The following SMOC1 variants were observed in gnomAD, a reference collection of about 807,000 sequenced individuals.
The protein encoded by SMOC1 is SPARC-related modular calcium-binding protein 1.
In SMOC1, 22 loss-of-function variants were observed where a neutral mutation model predicts 56.3. That is an observed-to-expected ratio of 0.39 (90% CI 0.28 to 0.56). The LOEUF is 0.56. SMOC1 is among the 20% of genes least tolerant of loss of function. The probability of loss-of-function intolerance (pLI) is 0.61; values close to 1 mark genes in which losing one functional copy is unlikely to be tolerated. For synonymous variants in SMOC1, 193 were observed against 215.0 expected (o/e 0.90, Z 0.89); for missense variants, 509 against 565.4 (o/e 0.90, Z 1.01).
intron 5 of SMOC1, among the ~76,000 whole-genome samples, chr14:69,987,854 C>A (rs962228096): frequency 6.6e-6 from 1 of 152,212 alleles, no homozygotes; most frequent in Non-Finnish European, 1.5e-5. Flanking sequence ...TGCTGTCACA[C>A]AAACCCACTG....
chr14:70,014,695 C>T (rs1885446843), intron 10 of SMOC1, among the ~76,000 whole-genome samples: 1 of 152,198 alleles, frequency 6.6e-6, no homozygotes, highest in Non-Finnish European at 1.5e-5. Context: ...AGTGTCTAGG[C>T]TCCTTACAGC....
At chr14:69,992,346 T>G in intron 5 of SMOC1, 71 bp from the exon 6 acceptor site, 15 of 1,471,606 alleles carry the variant, frequency 1.0e-5, no homozygotes, top group Non-Finnish European at 1.3e-5. Context: ...CATTCAACAG[T>G]GCTGGAGAGT....
chr14:69,928,386 G>A (rs1309128715), intron 1 of SMOC1, among the ~76,000 whole-genome samples: 3 of 152,232 alleles, frequency 2.0e-5, no homozygotes, highest in Non-Finnish European at 4.4e-5. Context: ...CAAAAATGCA[G>A]TCTCCTCGTA....
intron 7 of SMOC1, among the ~76,000 whole-genome samples, chr14:69,998,428 G>GT (rs36077349): frequency 0.29 from 42,733 of 146,336 alleles, 6,627 homozygotes; most frequent in East Asian, 0.46. Context: ...CTCTTGCTAA[G>GT]TTTTTTTTTT....
intron 1 of SMOC1, among the ~76,000 whole-genome samples, chr14:69,921,772 A>C (rs1884849685): frequency 1.3e-5 from 2 of 152,190 alleles, no homozygotes; most frequent in Non-Finnish European, 2.9e-5. Flanking sequence ...AATGCTTCTT[A>C]TGTGTTCCTT....
chr14:69,952,128 T>A lies in SMOC1; in HGVS notation c.100-10T>A. 6.2e-7 allele frequency: 1 copy of A among 1,614,120 alleles called. No homozygotes were observed. Among genetic ancestry groups the A allele is most frequent in the Non-Finnish European group, 8.5e-7 (1 of 1,179,994 alleles). ...TAACCTCTGTACCCTTTCACTTTTT[T>A]CCAACCTAGTTTCTAATAAGTGACC... On this transcript the variant is annotated splice_polypyrimidine_tract_variant and intron_variant, in intron 1 of 11. Transcript: ENST00000361956.
At chr14:69,981,572 T>A (rs908780296) in intron 5 of SMOC1, among the ~76,000 whole-genome samples, 1 of 152,136 alleles carries the variant, frequency 6.6e-6, no homozygotes, top group Admixed American at 6.5e-5. Flanking sequence ...CATTCACATG[T>A]GTTTTATGGA....
chr14:69,931,058 GA>G (rs1462240040), intron 1 of SMOC1, among the ~76,000 whole-genome samples: 1 of 152,162 alleles, frequency 6.6e-6, no homozygotes, highest in East Asian at 1.9e-4. Context: ...ACAAGCAGCT[GA>G]AAACATCAGT....
intron 1 of SMOC1, among the ~76,000 whole-genome samples, chr14:69,935,066 G>A (rs1885261721): frequency 6.6e-6 from 1 of 152,148 alleles, no homozygotes. Context: ...TTCCCTCTTA[G>A]AATGCTGTAA....
intron 1 of SMOC1, among the ~76,000 whole-genome samples, chr14:69,910,705 T>C (rs1170768334): frequency 6.6e-6 from 1 of 151,988 alleles, no homozygotes; most frequent in East Asian, 1.9e-4. Context: ...AGAGACAGAC[T>C]GTGTGTATGC....
chr14:69,976,138 C>G (rs1883944422), intron 4 of SMOC1, among the ~76,000 whole-genome samples: 1 of 152,158 alleles, frequency 6.6e-6, no homozygotes, highest in Non-Finnish European at 1.5e-5. Context: ...GCTAGTGGCT[C>G]TTGAAGTGCT....
chr14:70,009,090 A>G (rs192662213), intron 7 of SMOC1, among the ~76,000 whole-genome samples: 1 of 152,326 alleles, frequency 6.6e-6, no homozygotes, highest in African/African-American at 2.4e-5. Flanking sequence ...TCCTCTAGCC[A>G]AGGAGACTCT....
At chr14:69,913,327 AC>A (rs2139351447) in intron 1 of SMOC1, among the ~76,000 whole-genome samples, 1 of 152,272 alleles carries the variant, frequency 6.6e-6, no homozygotes, top group South Asian at 2.1e-4. Flanking sequence ...TGTACTCCTT[AC>A]CAGCTTCCTA....
At chr14:69,993,121 G>A (rs1483391614) in intron 6 of SMOC1, among the ~76,000 whole-genome samples, 10 of 152,288 alleles carry the variant, frequency 6.6e-5, no homozygotes, top group Admixed American at 2.0e-4. Context: ...GTAGGGATGG[G>A]ATACAGTGAG....
At chr14:69,892,610 A>T (rs1203146216) in intron 1 of SMOC1, among the ~76,000 whole-genome samples, 2 of 152,120 alleles carry the variant, frequency 1.3e-5, no homozygotes, top group Admixed American at 1.3e-4. Flanking sequence ...CCCACATTCG[A>T]CCATGAACCA....
intron 3 of SMOC1, among the ~76,000 whole-genome samples, chr14:69,956,662 C>G (rs1157288429): frequency 2.0e-5 from 3 of 152,096 alleles, no homozygotes; most frequent in Non-Finnish European, 4.4e-5. Context: ...CTTGAGACCA[C>G]ATGACTGACT....
intron 1 of SMOC1, among the ~76,000 whole-genome samples, chr14:69,950,623 A>C (rs1314216097): frequency 1.3e-5 from 2 of 152,240 alleles, no homozygotes; most frequent in Non-Finnish European, 2.9e-5. Context: ...GAAGAGCCTC[A>C]TTCTGTGTGC....
chr14:69,944,531 G>A (rs1224179878), intron 1 of SMOC1, among the ~76,000 whole-genome samples: 2 of 152,182 alleles, frequency 1.3e-5, no homozygotes, highest in Admixed American at 1.3e-4. Flanking sequence ...TTACGATGTT[G>A]AGGCTATAGA....
intron 1 of SMOC1, among the ~76,000 whole-genome samples, chr14:69,938,006 G>A (rs928006363): frequency 6.6e-6 from 1 of 152,148 alleles, no homozygotes; most frequent in East Asian, 1.9e-4. Context: ...TAAGGGAGTG[G>A]ATTTCCTCAA....
Sources: gnomAD v4.1 joint callset for allele counts (sites outside exome capture counted in the v4.1 genomes callset) on GRCh38, gnomAD v4.1.1 for gene constraint, MANE v1.5 for transcripts, NCBI Gene and HGNC (gene_info 2026-07-23, HGNC 2026-07-21) for gene names.